LHFPL3: variants seen among roughly 807,000 people sequenced by gnomAD.
LHFPL3 encodes LHFPL tetraspan subfamily member 3 protein.
A neutral mutation model predicts 19.3 loss-of-function variants in LHFPL3; 5 were observed. The ratio of observed to expected loss-of-function variants is 0.26; its 90% confidence interval spans 0.14 to 0.54. The LOEUF (loss-of-function observed/expected upper bound fraction) is 0.54, where lower values mean the gene tolerates loss of function less well. Ranked by LOEUF, LHFPL3 falls within the 20% of genes least tolerant of loss-of-function variation. LHFPL3 has a pLI of 0.94. For synonymous variants in LHFPL3, 133 were observed against 126.2 expected, an observed-to-expected ratio of 1.05 and a Z score of -0.36; for missense variants, 249 against 307.4, an observed-to-expected ratio of 0.81 and a Z score of 1.42.
chr7:104,751,537 A>G (rs1794172114), intron 2 of LHFPL3, among the ~76,000 whole-genome samples: 1 of 151,152 alleles, frequency 6.6e-6, no homozygotes, highest in Admixed American at 6.6e-5. Context: ...TGGCAGCCCT[A>G]TTTCTTCGGA....
At chr7:104,515,612 GA>G (rs2115786334) in intron 1 of LHFPL3, among the ~76,000 whole-genome samples, 1 of 152,266 alleles carries the variant, frequency 6.6e-6, no homozygotes, top group East Asian at 1.9e-4. Flanking sequence ...TTGATTAATA[GA>G]ATGACTGGAA....
chr7:104,342,996 C>CTTT (rs10668194), intron 1 of LHFPL3, among the ~76,000 whole-genome samples: 11,990 of 140,850 alleles, frequency 0.085, 678 homozygotes, highest in African/African-American at 0.14. Flanking sequence ...AAAGAATTGA[C>CTTT]TTTTTTTTTT....
Position 104,664,368 on chromosome 7 carries a change from T to A in LHFPL3, c.446-72307T>A, listed in dbSNP as rs184094060. ...TGAATACATGCTAAAATAATACAAA[T>A]TTTTTAATTAAAAACTTTAAGATGT... On this transcript the variant is annotated intron_variant, in intron 1 of 2. Coordinates refer to ENST00000424859, the MANE Select transcript of LHFPL3 (RefSeq NM_199000.3). Among the ~76,000 whole-genome samples, 69 of 152,308 alleles carry A rather than the reference T, an allele frequency of 4.5e-4. No individual in the cohort carries two copies. In the East Asian group the frequency reaches 9.1e-3, roughly 20 times the overall value.
intron 1 of LHFPL3, among the ~76,000 whole-genome samples, chr7:104,430,387 T>TATACATATATATATATAC (rs1791944331): frequency 2.0e-5 from 1 of 50,308 alleles, no homozygotes; most frequent in South Asian, 6.2e-4. Context: ...TATATACATA[T>TATACATATATATATATAC]ATATATATAT....
At chr7:104,721,063 A>G (rs1186392533) in intron 1 of LHFPL3, among the ~76,000 whole-genome samples, 1 of 152,256 alleles carries the variant, frequency 6.6e-6, no homozygotes, top group African/African-American at 2.4e-5. Flanking sequence ...ATTATAAATC[A>G]TGCTACTATA....
chr7:104,556,862 T>G (rs1789845966), intron 1 of LHFPL3, among the ~76,000 whole-genome samples: 1 of 152,194 alleles, frequency 6.6e-6, no homozygotes, highest in Admixed American at 6.5e-5. Context: ...GCTTAGAAAT[T>G]TCTTCCACCA....
intron 2 of LHFPL3, among the ~76,000 whole-genome samples, chr7:104,772,633 A>G (rs900371690): frequency 6.6e-6 from 1 of 152,244 alleles, no homozygotes; most frequent in Non-Finnish European, 1.5e-5. Flanking sequence ...GAAACATCAC[A>G]CAGAGATAAA....
At chr7:104,902,230 A>T (rs1050469244) in intron 2 of LHFPL3, among the ~76,000 whole-genome samples, 23 of 152,070 alleles carry the variant, frequency 1.5e-4, no homozygotes, top group African/African-American at 3.6e-4. Flanking sequence ...AAAAAATTTT[A>T]AATTAGCTGG....
chr7:104,776,846 T>A (rs1181005041), intron 2 of LHFPL3, among the ~76,000 whole-genome samples: 1 of 152,140 alleles, frequency 6.6e-6, no homozygotes, highest in Non-Finnish European at 1.5e-5. Flanking sequence ...TAAAAAACAA[T>A]CATGGGCTTT....
intron 1 of LHFPL3, among the ~76,000 whole-genome samples, chr7:104,393,397 AT>A (rs1791118155): frequency 6.6e-6 from 1 of 152,092 alleles, no homozygotes; most frequent in Admixed American, 6.6e-5. Flanking sequence ...AAAAAAAAAA[AT>A]TATGTTCATC....
At chr7:104,668,358 G>A in intron 1 of LHFPL3, 1 of 1,594,222 alleles carries the variant, frequency 6.3e-7, no homozygotes, top group South Asian at 1.1e-5. Context: ...GGCTCGTCCT[G>A]CTACAGACAC....
Position 104,906,370 on chromosome 7 carries a change from C to A in LHFPL3, c.*155C>A. The A allele has an allele frequency of 1.2e-6, 1 of 856,896 alleles. No individual in the cohort carries two copies. The highest frequency in any genetic ancestry group is 1.8e-6 in the Non-Finnish European group (1 of 561,744). 53.1% of individuals were successfully genotyped at this position (856,896 alleles called of 1,614,324 possible). ...CAAGAATGGAACATTCACTTGTCAA[C>A]GCACTTTCTAAATCTAGATCAGCAG... On this transcript the variant is annotated 3_prime_UTR_variant, in exon 3 of 3. Transcript: ENST00000424859.
intron 1 of LHFPL3, among the ~76,000 whole-genome samples, chr7:104,575,560 A>T (rs1448525335): frequency 3.2e-5 from 3 of 92,488 alleles, no homozygotes; most frequent in African/African-American, 6.9e-5. Flanking sequence ...AAAGAGATCT[A>T]AAAAAAAAAA....
chr7:104,341,975 C>T (rs1245205965), intron 1 of LHFPL3, among the ~76,000 whole-genome samples: 1 of 152,236 alleles, frequency 6.6e-6, no homozygotes, highest in African/African-American at 2.4e-5. Context: ...CTAACTCCTC[C>T]TGAATATTTC....
chr7:104,887,271 C>A (rs1323880995), intron 2 of LHFPL3, among the ~76,000 whole-genome samples: 1 of 152,202 alleles, frequency 6.6e-6, no homozygotes, highest in South Asian at 2.1e-4. Context: ...ATTACCCTAG[C>A]TTGGGTTCCC....
At chr7:104,434,433 G>A (rs140476160) in intron 1 of LHFPL3, among the ~76,000 whole-genome samples, 36 of 152,304 alleles carry the variant, frequency 2.4e-4, no homozygotes, top group African/African-American at 8.4e-4. Flanking sequence ...GACATGCATC[G>A]CTTACACCTT....
intron 1 of LHFPL3, among the ~76,000 whole-genome samples, chr7:104,562,867 A>T (rs1252763470): frequency 2.4e-4 from 37 of 151,280 alleles, no homozygotes; most frequent in Non-Finnish European, 4.3e-4. Flanking sequence ...TTTGGTGTGG[A>T]TGTCCTTTCT....
intron 2 of LHFPL3, among the ~76,000 whole-genome samples, chr7:104,793,483 G>T (rs186912160): frequency 8.3e-4 from 126 of 152,256 alleles, no homozygotes; most frequent in Non-Finnish European, 1.5e-3. Context: ...GATGTCAGTG[G>T]TAAAAAAGCA....
intron 2 of LHFPL3, among the ~76,000 whole-genome samples, chr7:104,876,283 A>G (rs1369096788): frequency 1.3e-5 from 2 of 152,196 alleles, no homozygotes; most frequent in East Asian, 3.8e-4. Flanking sequence ...GACAAATGGA[A>G]TCTAATTAAA....
Sources: gnomAD v4.1 joint callset for allele counts (sites outside exome capture counted in the v4.1 genomes callset) on GRCh38, gnomAD v4.1.1 for gene constraint, MANE v1.5 for transcripts, NCBI Gene and HGNC (gene_info 2026-07-23, HGNC 2026-07-21) for gene names.